Variants in TRPC4 observed in about 807,000 individuals in gnomAD.
TRPC4 encodes short transient receptor potential channel 4.
TRPC4 carries 49 observed loss-of-function variants against 99.4 expected under a neutral mutation model. The ratio of observed to expected loss-of-function variants is 0.49; its 90% CI spans 0.39 to 0.63. TRPC4 has a LOEUF of 0.63. Ranked by LOEUF, TRPC4 falls within the 20% of genes least tolerant of loss-of-function variation. TRPC4 has a pLI of 0.00. For synonymous variants in TRPC4, 454 were observed against 425.9 expected, an observed-to-expected ratio of 1.07 and a Z score of -0.81; for missense variants, 898 against 1,152.9, an observed-to-expected ratio of 0.78 and a Z score of 3.20.
At position 37,827,586 on chromosome 13, in the gene TRPC4, G is replaced by A. The variant is rs545637367; in HGVS notation, c.-28+42009C>T. On this transcript the variant is annotated intron_variant, in intron 1 of 10. Transcript: ENST00000379705. Reference sequence around the variant, plus strand: ...GGTGCCTCCCAGTTAGGCTGCTCGGGGGTCAGGGGTCAGGGACCCACTTGA... The same window carrying A: ...GGTGCCTCCCAGTTAGGCTGCTCGGAGGTCAGGGGTCAGGGACCCACTTGA... Among the ~76,000 whole-genome samples, 47 of 152,250 alleles carry A rather than the reference G, an allele frequency of 3.1e-4. No individual in the cohort carries two copies. The East Asian group carries it at 7.9e-3, about 26-fold the overall frequency.
rs115858613 is a variant in TRPC4 at position 37,838,443 on chromosome 13, C to T, written c.-28+31152G>A. Among the ~76,000 whole-genome samples the T allele has an allele frequency of 7.0e-3, 1,061 of 152,240 alleles. 20 individuals are homozygous for T. Among genetic ancestry groups the T allele is most frequent in the African/African-American group, 0.024 (997 of 41,540 alleles). ...TTATAAAAACAGACACACTGAAGTA[C>T]AAGTCACAAAGGCAGAGTTAAAGTC... On this transcript the variant is annotated intron_variant, in intron 1 of 10. Transcript: ENST00000379705.
At chr13:37,684,574 G>A (rs1454438608) in intron 4 of TRPC4, among the ~76,000 whole-genome samples, 1 of 152,024 alleles carries the variant, frequency 6.6e-6, no homozygotes, top group Non-Finnish European at 1.5e-5. Flanking sequence ...GAATGCTTAT[G>A]TAGATAGGAA....
intron 3 of TRPC4, among the ~76,000 whole-genome samples, chr13:37,703,688 T>C (rs1015224918): frequency 2.0e-5 from 3 of 152,174 alleles, no homozygotes; most frequent in African/African-American, 4.8e-5. Flanking sequence ...TTAAAACATA[T>C]GTTGATACAT....
intron 3 of TRPC4, among the ~76,000 whole-genome samples, chr13:37,726,379 G>A (rs899970948): frequency 1.3e-5 from 2 of 152,046 alleles, no homozygotes; most frequent in Non-Finnish European, 2.9e-5. Context: ...AAAAGAAACT[G>A]TATTTTTGTG....
intron 7 of TRPC4, among the ~76,000 whole-genome samples, chr13:37,653,432 GAAGA>G (rs966236326): frequency 6.6e-6 from 1 of 151,740 alleles, no homozygotes; most frequent in African/African-American, 2.4e-5. Flanking sequence ...AAAGAAGAAA[GAAGA>G]AAGAAAGAAA....
chr13:37,807,533 G>A (rs1016882949), intron 1 of TRPC4, among the ~76,000 whole-genome samples: 1 of 151,986 alleles, frequency 6.6e-6, no homozygotes, highest in South Asian at 2.1e-4. Context: ...CTTTTTAACA[G>A]AAATAAATCA....
At chr13:37,756,980 C>T (rs1956113678) in intron 2 of TRPC4, among the ~76,000 whole-genome samples, 1 of 151,898 alleles carries the variant, frequency 6.6e-6, no homozygotes, top group Non-Finnish European at 1.5e-5. Context: ...CCATGGATTT[C>T]TTTGGAGATC....
chr13:37,701,589 A>G (rs1221468565), intron 3 of TRPC4, among the ~76,000 whole-genome samples: 3 of 152,008 alleles, frequency 2.0e-5, no homozygotes, highest in African/African-American at 4.8e-5. Context: ...CCTTCATGCT[A>G]GCTTCCTGAG....
Position 37,692,278 on chromosome 13 carries a change from GA to G in TRPC4, c.954del (p.Pro319GlnfsTer10). On this transcript the variant is annotated frameshift_variant, in exon 4 of 11. Transcript: ENST00000379705. LOFTEE classifies it high-confidence loss of function. ...QLLASRWYDE[F>X]PGWRRRHWAV... is the part of the protein sequence containing the mutation. ...GCCCAGTGTCTTCTCCTCCAGCCTG[GA>G]AACTCATCGTACCAGCGAGATGCCA... 1 of 1,614,096 alleles carries G rather than the reference GA, an allele frequency of 6.2e-7. No individual in the cohort carries two copies. The highest frequency in any genetic ancestry group is 8.5e-7 in the Non-Finnish European group (1 of 1,180,004).
chr13:37,786,200 A>T (rs1367109685), intron 1 of TRPC4, among the ~76,000 whole-genome samples: 1 of 152,054 alleles, frequency 6.6e-6, no homozygotes, highest in Non-Finnish European at 1.5e-5. Flanking sequence ...AAGTCTAGAC[A>T]GATTTTAAAT....
chr13:37,669,990 G>A (rs1952781282), intron 5 of TRPC4, among the ~76,000 whole-genome samples: 1 of 152,038 alleles, frequency 6.6e-6, no homozygotes, highest in Non-Finnish European at 1.5e-5. Context: ...TCATGAGGGT[G>A]GGCTTTCATG....
chr13:37,772,010 G>A (rs1956562565), intron 2 of TRPC4, among the ~76,000 whole-genome samples: 1 of 151,564 alleles, frequency 6.6e-6, no homozygotes, highest in South Asian at 2.1e-4. Flanking sequence ...GTGTTCCCAA[G>A]GAGGAGAGAG....
At chr13:37,804,475 A>G (rs749975958) in intron 1 of TRPC4, among the ~76,000 whole-genome samples, 8 of 152,102 alleles carry the variant, frequency 5.3e-5, no homozygotes, top group Non-Finnish European at 1.2e-4. Flanking sequence ...GCTCTTATAA[A>G]AAGAAGAAAA....
intron 4 of TRPC4, among the ~76,000 whole-genome samples, chr13:37,682,047 C>T (rs932335112): frequency 5.3e-5 from 8 of 152,172 alleles, no homozygotes; most frequent in Admixed American, 6.5e-5. Context: ...AGGCAATGCT[C>T]AGATGCCACA....
chr13:37,780,151 T>A (rs1266621008), intron 2 of TRPC4, among the ~76,000 whole-genome samples: 1 of 152,072 alleles, frequency 6.6e-6, no homozygotes, highest in Non-Finnish European at 1.5e-5. Flanking sequence ...GACAAATTCA[T>A]CTGAAATCTC....
Position 37,663,398 on chromosome 13 carries a change from A to G in TRPC4, c.1688+18T>C. The G allele has an allele frequency of 6.3e-7, 1 of 1,597,666 alleles. No homozygotes were observed. The highest frequency in any genetic ancestry group is 8.5e-7 in the Non-Finnish European group (1 of 1,171,162). On this transcript the variant is annotated intron_variant, in intron 6 of 10. Transcript: ENST00000379705. ...AATGCTGTACAACATTACCAGTAGA[A>G]ATGTCTATTAGACTTACGTTGAAAA...
At chr13:37,808,923 G>A (rs1277341562) in intron 1 of TRPC4, among the ~76,000 whole-genome samples, 1 of 151,626 alleles carries the variant, frequency 6.6e-6, no homozygotes, top group Non-Finnish European at 1.5e-5. Context: ...CATCTAAGTG[G>A]CATGAAATTC....
chr13:37,763,482 C>T (rs888521747), intron 2 of TRPC4, among the ~76,000 whole-genome samples: 19 of 151,456 alleles, frequency 1.3e-4, no homozygotes, highest in African/African-American at 4.6e-4. Context: ...GAATGAATCC[C>T]CTAGGCAAGT....
intron 3 of TRPC4, among the ~76,000 whole-genome samples, chr13:37,702,325 T>A (rs1409974809): frequency 6.6e-6 from 1 of 152,218 alleles, no homozygotes; most frequent in African/African-American, 2.4e-5. Flanking sequence ...CATTAGCATG[T>A]CTTTTTGCCA....
Sources: allele counts gnomAD v4.1 joint callset (sites outside exome capture counted in the v4.1 genomes callset), GRCh38; gene constraint gnomAD v4.1.1; transcripts MANE v1.5; gene names NCBI Gene and HGNC (gene_info 2026-07-23, HGNC 2026-07-21).